Variants in LRFN2 observed in about 807,000 individuals in gnomAD.
LRFN2 encodes leucine rich repeat and fibronectin type III domain containing 2.
A neutral mutation model predicts 37.3 loss-of-function variants in LRFN2; 18 were observed. The observed-to-expected ratio is 0.48, with a 90% confidence interval of 0.33 to 0.72. The LOEUF is 0.72. Among genes scored for constraint, LRFN2 ranks in the 30% least tolerant of loss-of-function variants. The pLI is 0.02. For missense variants in LRFN2, 1,006 were observed against 1,060.7 expected (o/e 0.95, Z 0.72); for synonymous variants, 556 against 466.6 (o/e 1.19, Z -2.47).
At chr6:40,509,752 T>A (rs1052717868) in intron 1 of LRFN2, among the ~76,000 whole-genome samples, 1 of 150,642 alleles carries the variant, frequency 6.6e-6, no homozygotes, top group African/African-American at 2.5e-5. Flanking sequence ...CATGCAGGTA[T>A]GCCAGGGAAC....
chr6:40,535,355 T>C (rs1040630633), intron 1 of LRFN2, among the ~76,000 whole-genome samples: 1 of 152,174 alleles, frequency 6.6e-6, no homozygotes, highest in African/African-American at 2.4e-5. Context: ...GGCAGCTGTG[T>C]CCTGAATGCC....
chr6:40,431,966 C>T lies in LRFN2; in HGVS notation c.1148G>A (p.Ser383Asn). The change falls in exon 2 of 3, where the codon AGC becomes AAC. Residue 383 changes from serine (S) to asparagine (N), a missense_variant. This residue lies in a region of LRFN2 where 303 missense variants were observed against 299.8 expected (regional missense o/e 1.01). Coordinates refer to ENST00000338305, the MANE Select transcript of LRFN2 (RefSeq NM_020737.3). Reference sequence around the variant, plus strand: ...GGGTGCAGTGCGGCTGGTGCTGTTGCTGAGGTGTGGCAGCTGGACGATGGA... The same window carrying T: ...GGGTGCAGTGCGGCTGGTGCTGTTGTTGAGGTGTGGCAGCTGGACGATGGA... ...EVSIVQLPHL[S>N]NSTSRTAPPK... 6.2e-7 allele frequency: 1 copy of T among 1,613,552 alleles called. No homozygotes were observed.
At chr6:40,576,097 A>G (rs1767272087) in intron 1 of LRFN2, among the ~76,000 whole-genome samples, 3 of 152,158 alleles carry the variant, frequency 2.0e-5, no homozygotes, top group Admixed American at 6.5e-5. Flanking sequence ...TCGCGTTTAA[A>G]TGGAGACAAG....
intron 2 of LRFN2, among the ~76,000 whole-genome samples, chr6:40,405,922 G>A (rs557893740): frequency 1.3e-5 from 2 of 152,324 alleles, no homozygotes; most frequent in Admixed American, 6.5e-5. Flanking sequence ...CCCTGTGTTT[G>A]CTCCCTGACT....
intron 1 of LRFN2, among the ~76,000 whole-genome samples, chr6:40,554,361 C>G (rs1343960581): frequency 2.6e-5 from 4 of 152,122 alleles, no homozygotes; most frequent in African/African-American, 9.7e-5. Context: ...GTCTCCCTGC[C>G]TTGGTTCCAC....
chr6:40,432,925 G>A lies in LRFN2; in HGVS notation c.189C>T (p.Phe63=), dbSNP rs878901103. ...RTVELRLGGN[F]IIHISRQDFA... is the part of the protein sequence containing the mutation. ...AGTCCTGGCGGCTGATGTGGATGAT[G>A]AAGTTGCCGCCCAGGCGCAGCTCCA... Residue 63 remains phenylalanine, a synonymous_variant, in exon 2 of 3, where the codon TTC becomes TTT. Coordinates refer to ENST00000338305, the MANE Select transcript of LRFN2 (RefSeq NM_020737.3). The A allele has an allele frequency of 1.2e-6, 2 of 1,613,994 alleles. No homozygotes were observed. Among genetic ancestry groups the A allele is most frequent in the African/African-American group, 2.7e-5 (2 of 74,960 alleles).
Position 40,391,760 on chromosome 6 carries a change from G to A in LRFN2, c.*183C>T. ...AGTCCACATTCCCTGAGCACACCCCGGCCGGGTGGTGGGGAGGTGATGTGG... is the reference window on the plus strand; with the variant it reads ...AGTCCACATTCCCTGAGCACACCCCAGCCGGGTGGTGGGGAGGTGATGTGG... On this transcript the variant is annotated 3_prime_UTR_variant, in exon 3 of 3. Transcript: ENST00000338305. The A allele has an allele frequency of 5.6e-6, 3 of 538,612 alleles. No individual in the cohort carries two copies. Among genetic ancestry groups the A allele is most frequent in the Non-Finnish European group, 9.2e-6 (3 of 326,800 alleles). The allele number at this position is 538,612 out of a possible 1,614,324, so 33.4% of individuals were successfully genotyped here. A position where few individuals can be genotyped will look rare whatever the true frequency, so the allele number is the denominator to read the frequency against.
At chr6:40,520,344 G>T (rs901261623) in intron 1 of LRFN2, among the ~76,000 whole-genome samples, 5 of 152,148 alleles carry the variant, frequency 3.3e-5, no homozygotes, top group Admixed American at 6.5e-5. Flanking sequence ...GGTGCAGGGA[G>T]GGGGAGCAAG....
intron 1 of LRFN2, among the ~76,000 whole-genome samples, chr6:40,523,184 C>T (rs940892385): frequency 2.0e-5 from 3 of 152,168 alleles, no homozygotes; most frequent in African/African-American, 7.2e-5. Flanking sequence ...GAGATAACAC[C>T]TGTGAAGGTC....
At chr6:40,586,758 C>A (rs928665346) in intron 1 of LRFN2, among the ~76,000 whole-genome samples, 183 bp downstream of exon 1, 3 of 152,220 alleles carry the variant, frequency 2.0e-5, no homozygotes, top group Non-Finnish European at 2.9e-5. Context: ...GAAAGGAAAT[C>A]TCTCGCGATA....
At chr6:40,521,709 G>C (rs1215849310) in intron 1 of LRFN2, among the ~76,000 whole-genome samples, 1 of 152,158 alleles carries the variant, frequency 6.6e-6, no homozygotes, top group East Asian at 1.9e-4. Flanking sequence ...GGGCTGTACT[G>C]TATCACGTGC....
intron 1 of LRFN2, among the ~76,000 whole-genome samples, chr6:40,470,185 G>A (rs1484685208): frequency 6.6e-6 from 1 of 152,064 alleles, no homozygotes; most frequent in Non-Finnish European, 1.5e-5. Context: ...CCCAAGGCAT[G>A]TGGGCTGGGG....
chr6:40,536,128 TCA>T (rs1222200977), intron 1 of LRFN2, among the ~76,000 whole-genome samples: 1 of 152,012 alleles, frequency 6.6e-6, no homozygotes, highest in Non-Finnish European at 1.5e-5. Context: ...CCGGAAAGGC[TCA>T]GAGGCTCCTG....
intron 1 of LRFN2, among the ~76,000 whole-genome samples, chr6:40,513,950 G>C (rs1490491868): frequency 6.6e-6 from 1 of 152,088 alleles, no homozygotes; most frequent in Non-Finnish European, 1.5e-5. Context: ...GAGCTATCAG[G>C]AGGGGGCCTG....
At chr6:40,545,801 A>C (rs1561902760) in intron 1 of LRFN2, among the ~76,000 whole-genome samples, 1 of 152,142 alleles carries the variant, frequency 6.6e-6, no homozygotes, top group African/African-American at 2.4e-5. Flanking sequence ...TGAAAAGGTC[A>C]ACCACGGCCC....
At chr6:40,491,343 C>T (rs998745032) in intron 1 of LRFN2, among the ~76,000 whole-genome samples, 3 of 152,242 alleles carry the variant, frequency 2.0e-5, no homozygotes, top group African/African-American at 7.2e-5. Context: ...AAAGGTGTGG[C>T]TCTTGCCCTT....
chr6:40,568,316 T>C (rs548609935), intron 1 of LRFN2, among the ~76,000 whole-genome samples: 33 of 152,296 alleles, frequency 2.2e-4, no homozygotes, highest in African/African-American at 7.5e-4. Flanking sequence ...TCTGTGGGCC[T>C]GGGGAACTGT....
intron 1 of LRFN2, among the ~76,000 whole-genome samples, chr6:40,526,018 G>A (rs1766245718): frequency 6.6e-6 from 1 of 152,224 alleles, no homozygotes; most frequent in African/African-American, 2.4e-5. Flanking sequence ...AAAGGTTCCT[G>A]TTCTCAAGAT....
At chr6:40,428,126 C>T (rs1233301699) in intron 2 of LRFN2, among the ~76,000 whole-genome samples, 1 of 152,176 alleles carries the variant, frequency 6.6e-6, no homozygotes, top group Admixed American at 6.5e-5. Flanking sequence ...CACATAGGAC[C>T]CTTAGAATAG....
Sources: allele counts gnomAD v4.1 joint callset (sites outside exome capture counted in the v4.1 genomes callset), GRCh38; gene constraint gnomAD v4.1.1; regional missense constraint gnomAD v4.1.1; transcripts MANE v1.5; gene names NCBI Gene and HGNC (gene_info 2026-07-23, HGNC 2026-07-21).